Variants in RASGRP3 observed in about 807,000 individuals in gnomAD.
The protein encoded by RASGRP3 is RAS guanyl releasing protein 3, also known as ras guanyl-releasing protein 3.
In RASGRP3, 54 loss-of-function variants were observed where a neutral mutation model predicts 82.7. The observed-to-expected ratio is 0.65, with a 90% confidence interval of 0.52 to 0.82. The LOEUF (loss-of-function observed/expected upper bound fraction) is 0.82, where lower values mean the gene tolerates loss of function less well. RASGRP3 is among the 40% of genes least tolerant of loss of function. The pLI, the probability that RASGRP3 is intolerant of heterozygous loss-of-function variation, is 0.00. For synonymous variants in RASGRP3, 309 were observed against 300.5 expected (o/e 1.03, Z -0.29); for missense variants, 861 against 828.9 (o/e 1.04, Z -0.48).
chr2:33,534,694 A>ATTTTTTTTTTTTTTTTTTTT (rs71910431), intron 11 of RASGRP3, among the ~76,000 whole-genome samples: 1 of 122,240 alleles, frequency 8.2e-6, no homozygotes, highest in African/African-American at 3.2e-5. Context: ...ACACCCAGCA[A>ATTTTTTTTTTTTTTTTTTTT]TTTTTTTTTT....
intron 17 of RASGRP3, among the ~76,000 whole-genome samples, chr2:33,560,439 G>C (rs1042977069): frequency 6.6e-6 from 1 of 152,134 alleles, no homozygotes. Context: ...CTCTTAACCC[G>C]AGGTCTATTT....
chr2:33,471,013 C>A (rs1667029666), intron 2 of RASGRP3, among the ~76,000 whole-genome samples: 1 of 151,954 alleles, frequency 6.6e-6, no homozygotes, highest in African/African-American at 2.4e-5. Context: ...GCATGCTTTT[C>A]TTGTTTCTGA....
intron 1 of RASGRP3, among the ~76,000 whole-genome samples, chr2:33,446,880 A>T (rs569870930): frequency 1.3e-5 from 2 of 151,916 alleles, no homozygotes; most frequent in African/African-American, 4.8e-5. Flanking sequence ...GCGGTGGCTC[A>T]CTCCTGTAAT....
chr2:33,441,333 T>A (rs1192929947), intron 1 of RASGRP3, among the ~76,000 whole-genome samples: 1 of 152,142 alleles, frequency 6.6e-6, no homozygotes, highest in African/African-American at 2.4e-5. Flanking sequence ...ATATTCCACA[T>A]ATAAATTAGA....
intron 1 of RASGRP3, among the ~76,000 whole-genome samples, chr2:33,505,053 T>G (rs1415512341): frequency 1.3e-5 from 2 of 152,134 alleles, no homozygotes; most frequent in East Asian, 3.9e-4. Flanking sequence ...TCCCAGAGTT[T>G]GTTGGGGAAA....
chr2:33,526,993 CT>C (rs1464262894), intron 9 of RASGRP3, 143 bp from the exon 10 acceptor site: 1 of 866,814 alleles, frequency 1.2e-6, no homozygotes, highest in African/African-American at 1.7e-5. Context: ...TTTCTTTTTC[CT>C]GATTCATATT....
intron 1 of RASGRP3, among the ~76,000 whole-genome samples, chr2:33,490,426 C>T (rs1668750691): frequency 6.6e-6 from 1 of 152,234 alleles, no homozygotes; most frequent in Non-Finnish European, 1.5e-5. Context: ...TCACCAGTGA[C>T]CTCCTTGTGT....
intron 1 of RASGRP3, among the ~76,000 whole-genome samples, chr2:33,436,746 A>G (rs1664944664): frequency 6.6e-6 from 1 of 152,194 alleles, no homozygotes; most frequent in African/African-American, 2.4e-5. Flanking sequence ...GTAGAAATCA[A>G]CCTTGGTTAT....
At chr2:33,492,364 G>A (rs1042426884) in intron 1 of RASGRP3, among the ~76,000 whole-genome samples, 1 of 152,130 alleles carries the variant, frequency 6.6e-6, no homozygotes, top group African/African-American at 2.4e-5. Context: ...CTAGAAAGAA[G>A]CCCATGGACA....
At chr2:33,520,346 G>A (rs1671904718) in intron 5 of RASGRP3, among the ~76,000 whole-genome samples, 1 of 152,186 alleles carries the variant, frequency 6.6e-6, no homozygotes, top group Admixed American at 6.5e-5. Context: ...GAGAGGCTAT[G>A]AGTGGGAGCG....
chr2:33,462,315 A>G (rs1004386415), intron 2 of RASGRP3, among the ~76,000 whole-genome samples: 3 of 151,942 alleles, frequency 2.0e-5, no homozygotes, highest in Non-Finnish European at 4.4e-5. Flanking sequence ...AAAGATGAGA[A>G]GAGGCAGAAG....
chr2:33,554,802 A>G (rs943889705), intron 14 of RASGRP3, among the ~76,000 whole-genome samples: 9 of 152,160 alleles, frequency 5.9e-5, no homozygotes, highest in African/African-American at 2.2e-4. Context: ...GTTTAGAAGG[A>G]GTCTGTCTGG....
intron 1 of RASGRP3, among the ~76,000 whole-genome samples, chr2:33,499,074 A>T (rs1669604074): frequency 1.3e-5 from 2 of 152,134 alleles, no homozygotes. Context: ...TTCAATAATC[A>T]AAAGAGAAAC....
chr2:33,444,313 A>G (rs992136177), intron 1 of RASGRP3, among the ~76,000 whole-genome samples: 1 of 152,212 alleles, frequency 6.6e-6, no homozygotes, highest in South Asian at 2.1e-4. Flanking sequence ...TTCTAAAATA[A>G]TAATAATAAT....
intron 14 of RASGRP3, among the ~76,000 whole-genome samples, chr2:33,554,724 C>T (rs535620118): frequency 1.3e-5 from 2 of 152,134 alleles, no homozygotes; most frequent in East Asian, 1.9e-4. Context: ...CTGCTCTTCT[C>T]GGCCTCCAAA....
intron 17 of RASGRP3, among the ~76,000 whole-genome samples, chr2:33,559,274 T>C (rs1019119146): frequency 5.3e-5 from 8 of 152,296 alleles, no homozygotes; most frequent in African/African-American, 1.7e-4. Flanking sequence ...CTGAAACCTA[T>C]TGAAGGCTGT....
intron 1 of RASGRP3, among the ~76,000 whole-genome samples, chr2:33,485,139 G>A (rs993992408): frequency 6.6e-6 from 1 of 152,172 alleles, no homozygotes; most frequent in African/African-American, 2.4e-5. Flanking sequence ...CAGAGGTTGC[G>A]ATGAGCCTAG....
chr2:33,533,679 C>T (rs1050494706), intron 10 of RASGRP3: 7 of 152,364 alleles, frequency 4.6e-5, no homozygotes, highest in African/African-American at 1.7e-4. Flanking sequence ...CCTGCCTGAC[C>T]ACACAGCCTC....
intron 2 of RASGRP3, among the ~76,000 whole-genome samples, chr2:33,469,409 A>G (rs909092305): frequency 1.3e-5 from 2 of 152,036 alleles, no homozygotes; most frequent in African/African-American, 2.4e-5. Flanking sequence ...CATGATTAAA[A>G]CAATTTTAAG....
Sources: gnomAD v4.1 joint callset for allele counts (sites outside exome capture counted in the v4.1 genomes callset) on GRCh38, gnomAD v4.1.1 for gene constraint, MANE v1.5 for transcripts, NCBI Gene and HGNC (gene_info 2026-07-23, HGNC 2026-07-21) for gene names.